The following LDLRAD1 variants were observed in gnomAD, a reference collection of about 807,000 sequenced individuals.
LDLRAD1 encodes low density lipoprotein receptor class A domain containing 1, also known as low-density lipoprotein receptor class A domain-containing protein 1.
A neutral mutation model predicts 24.8 loss-of-function variants in LDLRAD1; 17 were observed. The ratio of observed to expected loss-of-function variants is 0.69; its 90% CI spans 0.47 to 1.03. The LOEUF (loss-of-function observed/expected upper bound fraction) is 1.03. Among genes scored for constraint, LDLRAD1 ranks in the 50% least tolerant of loss-of-function variants. The pLI is 0.00. For missense variants in LDLRAD1, 277 were observed against 271.0 expected (o/e 1.02, Z -0.16); for synonymous variants, 103 against 108.2 (o/e 0.95, Z 0.30).
At position 54,012,284 on chromosome 1, in the gene LDLRAD1, A is replaced by G. The variant is rs1223308602; in HGVS notation, c.203-4T>C. 1.2e-6 allele frequency: 2 copies of G among 1,613,998 alleles called. No individual in the cohort carries two copies. The highest frequency in any genetic ancestry group is 8.5e-7 in the Non-Finnish European group (1 of 1,179,950). On this transcript the variant is annotated splice_polypyrimidine_tract_variant and splice_region_variant and intron_variant, in intron 3 of 5. Transcript: ENST00000371360. ...AGTGTTATACAAGCTTGGGCTCCTG[A>G]ATGGGCAGGGAAAGGCCCTGGAGGG...
intron 2 of LDLRAD1, among the ~76,000 whole-genome samples, chr1:54,016,260 T>C (rs551719656): frequency 6.6e-6 from 1 of 152,168 alleles, no homozygotes; most frequent in African/African-American, 2.4e-5. Flanking sequence ...AGAGGCAGCA[T>C]AAATCTAAAA....
chr1:54,012,832 G>T (rs115985937), intron 3 of LDLRAD1, among the ~76,000 whole-genome samples: 4 of 152,054 alleles, frequency 2.6e-5, no homozygotes, highest in Admixed American at 2.0e-4. Context: ...CCTGCGACAC[G>T]TCATCATTAG....
In LDLRAD1 at chr1:54,008,895, T is replaced by G; in HGVS notation, c.*87A>C. On this transcript the variant is annotated 3_prime_UTR_variant, in exon 6 of 6. Transcript: ENST00000371360. ...AGATCCCATTTCAAAGGCTGCTTCC[T>G]GCCCTTGTGCGCTAGGATTTGATTT... is the stretch of plus-strand genomic sequence containing the variant. 8 of 1,094,592 alleles carry G rather than the reference T, an allele frequency of 7.3e-6. No individual in the cohort carries two copies. Among genetic ancestry groups the G allele is most frequent in the South Asian group, 5.3e-5 (2 of 37,388 alleles). 67.8% of individuals were successfully genotyped at this position (1,094,592 alleles called of 1,614,324 possible).
chr1:54,016,345 G>A (rs1656303572), intron 2 of LDLRAD1, among the ~76,000 whole-genome samples: 1 of 152,172 alleles, frequency 6.6e-6, no homozygotes, highest in Non-Finnish European at 1.5e-5. Flanking sequence ...AACCAGGGAG[G>A]CAGCGTGACT....
In LDLRAD1 at chr1:54,018,133, C is replaced by A. The variant is rs370872507; in HGVS notation, c.-21G>T. On this transcript the variant is annotated 5_prime_UTR_variant, in exon 1 of 6. Transcript: ENST00000371360. ...TTCATGTCTTCGGTTTCCTGCTGCC[C>A]GACTGGGGCTGTGTGCAGAGAGCTC... 1 of 1,613,268 alleles carries A rather than the reference C, an allele frequency of 6.2e-7. No individual in the cohort carries two copies. Among genetic ancestry groups the A allele is most frequent in the African/African-American group, 1.3e-5 (1 of 74,904 alleles).
chr1:54,017,380 C>G lies in LDLRAD1; in HGVS notation c.69G>C (p.Gly23=). Residue 23 remains glycine, a synonymous_variant, in exon 2 of 6, where the codon GGG becomes GGC. Coordinates refer to ENST00000371360, the MANE Select transcript of LDLRAD1 (RefSeq NM_001010978.4). ...CCAGGCCCTCCAGTTCTTTACCTTC[C>G]CCTCCAGGGTGGGCTTTGGATTCAG... ...TAAESKAHPG[G]EAGGGHLCCS... is the part of the protein sequence containing the mutation. The G allele has an allele frequency of 6.2e-7, 1 of 1,601,202 alleles. No homozygotes were observed. Among genetic ancestry groups the G allele is most frequent in the Non-Finnish European group, 8.5e-7 (1 of 1,173,248 alleles).
chr1:54,011,293 C>T (rs961691108), intron 4 of LDLRAD1, among the ~76,000 whole-genome samples: 3 of 152,008 alleles, frequency 2.0e-5, no homozygotes, highest in Non-Finnish European at 2.9e-5. Flanking sequence ...AGAGTTGGAA[C>T]CAATCAGGGA....
chr1:54,016,887 T>C (rs145441160), intron 2 of LDLRAD1, among the ~76,000 whole-genome samples: 1 of 152,332 alleles, frequency 6.6e-6, no homozygotes, highest in Non-Finnish European at 1.5e-5. Flanking sequence ...TGATCAAATG[T>C]GGGCCAAGCC....
Position 54,014,381 on chromosome 1 carries a change from C to T in LDLRAD1, c.74-17G>A. On this transcript the variant is annotated splice_polypyrimidine_tract_variant and intron_variant, in intron 2 of 5. Coordinates refer to ENST00000371360, the MANE Select transcript of LDLRAD1 (RefSeq NM_001010978.4). ...CGCCGCCTGCTGTGTGGGGGGGAAA[C>T]AAGCCCGGGGGTGGTGGTGATAGGG... 1 of 1,546,450 alleles carries T rather than the reference C, an allele frequency of 6.5e-7. No individual in the cohort carries two copies. Among genetic ancestry groups the T allele is most frequent in the East Asian group, 2.5e-5 (1 of 40,816 alleles).
chr1:54,013,156 A>G (rs2100254823), intron 3 of LDLRAD1, among the ~76,000 whole-genome samples: 1 of 152,220 alleles, frequency 6.6e-6, no homozygotes, highest in South Asian at 2.1e-4. Context: ...ACACTGCTGC[A>G]CCTATGTGCA....
Position 54,009,065 on chromosome 1 carries a change from C to A in LDLRAD1, c.535G>T (p.Asp179Tyr). 6.2e-7 allele frequency: 1 copy of A among 1,613,968 alleles called. No homozygotes were observed. Reference sequence around the variant, plus strand: ...CGGCAGAGATGCCTCGGTATACAGTCGCAGTACTTGAAGAAGGTTGAAGGA... The same window carrying A: ...CGGCAGAGATGCCTCGGTATACAGTAGCAGTACTTGAAGAAGGTTGAAGGA... ...RCPSTFFKYC[D>Y]CIPRHLCRDH... Residue 179 changes from aspartate to tyrosine, a missense_variant, in exon 6 of 6, where the codon GAC becomes TAC. By Grantham distance (160) the Asp-to-Tyr change is radical. Transcript: ENST00000371360.
chr1:54,009,094 C>A lies in LDLRAD1; in HGVS notation c.506G>T (p.Arg169Leu). The change falls in exon 6 of 6, where the codon CGC becomes CTC. Residue 169 changes from arginine to leucine, a missense_variant. By Grantham distance (102) the Arg-to-Leu change is moderately radical (BLOSUM62 -2). Coordinates refer to ENST00000371360, the MANE Select transcript of LDLRAD1 (RefSeq NM_001010978.4). Reference protein sequence around the residue: ...VCPPCGPGWWRCPSTFFKYCD... With the variant: ...VCPPCGPGWWLCPSTFFKYCD... ...GTACTTGAAGAAGGTTGAAGGACAG[C>A]GCCACCACCCAGGGCCGCAGGGTGG... is the stretch of plus-strand genomic sequence containing the variant. 1 of 1,613,900 alleles carries A rather than the reference C, an allele frequency of 6.2e-7. No individual in the cohort carries two copies. The highest frequency in any genetic ancestry group is 1.1e-5 in the South Asian group (1 of 91,074).
chr1:54,008,886 GCT>G lies in LDLRAD1; in HGVS notation c.*94_*95del. The G allele has an allele frequency of 9.7e-7, 1 of 1,030,972 alleles. No individual in the cohort carries two copies. The highest frequency in any genetic ancestry group is 2.9e-5 in the Admixed American group (1 of 34,696). 63.9% of individuals were successfully genotyped at this position (1,030,972 alleles called of 1,614,324 possible). A position where few individuals can be genotyped will look rare whatever the true frequency, so the allele number is the denominator to read the frequency against. ...ATGATGTGTAGATCCCATTTCAAAG[GCT>G]GCTTCCTGCCCTTGTGCGCTAGGAT... is the stretch of plus-strand genomic sequence containing the variant. On this transcript the variant is annotated 3_prime_UTR_variant, in exon 6 of 6. Transcript: ENST00000371360.
At chr1:54,017,852 C>T (rs532633385) in intron 1 of LDLRAD1, among the ~76,000 whole-genome samples, 2 of 152,094 alleles carry the variant, frequency 1.3e-5, no homozygotes, top group African/African-American at 4.8e-5. Flanking sequence ...GAGTGAGCCC[C>T]GGGGCAGGAC....
intron 2 of LDLRAD1, among the ~76,000 whole-genome samples, chr1:54,017,114 C>G (rs986333521): frequency 6.6e-6 from 1 of 152,184 alleles, no homozygotes; most frequent in East Asian, 1.9e-4. Context: ...CAGGTGGGCA[C>G]TGTATGCAGT....
chr1:54,014,472 A>AGGGTGAGCAGAGCAGGGAT, intron 2 of LDLRAD1, 108 bp from the exon 3 acceptor site: 1 of 1,090,742 alleles, frequency 9.2e-7, no homozygotes, highest in Non-Finnish European at 1.3e-6. Flanking sequence ...CTCCCCCACG[A>AGGGTGAGCAGAGCAGGGAT]GGGTGAGCAG....
chr1:54,008,705 A>G lies in LDLRAD1; in HGVS notation c.*277T>C. On this transcript the variant is annotated 3_prime_UTR_variant, in exon 6 of 6. Coordinates refer to ENST00000371360, the MANE Select transcript of LDLRAD1 (RefSeq NM_001010978.4). ...GCTGGGACTATAGGTGTGCACCGCC[A>G]TGCCTGGCTAATTTTTGTATTTTTG... The G allele has an allele frequency of 2.8e-6, 1 of 354,096 alleles. No individual in the cohort carries two copies. The highest frequency in any genetic ancestry group is 5.3e-6 in the Non-Finnish European group (1 of 189,096). 21.9% of individuals were successfully genotyped at this position (354,096 alleles called of 1,614,324 possible).
intron 3 of LDLRAD1, among the ~76,000 whole-genome samples, chr1:54,012,820 C>G (rs577439022): frequency 1.3e-5 from 2 of 152,116 alleles, no homozygotes; most frequent in Non-Finnish European, 2.9e-5. Flanking sequence ...TCCCCAAACA[C>G]CCCTGCGACA....
intron 2 of LDLRAD1, among the ~76,000 whole-genome samples, chr1:54,016,088 G>A (rs1408763148): frequency 6.6e-6 from 1 of 152,104 alleles, no homozygotes; most frequent in African/African-American, 2.4e-5. Flanking sequence ...AAGCAGAATG[G>A]GATTTCCACA....
Sources: gnomAD v4.1 joint callset for allele counts (sites outside exome capture counted in the v4.1 genomes callset) on GRCh38, gnomAD v4.1.1 for gene constraint, MANE v1.5 for transcripts, NCBI Gene and HGNC (gene_info 2026-07-23, HGNC 2026-07-21) for gene names.